TCHP: variants seen among roughly 807,000 people sequenced by gnomAD.
TCHP encodes trichoplein keratin filament binding, also known as trichoplein keratin filament-binding protein.
TCHP carries 81 observed loss-of-function variants against 88.7 expected under a neutral mutation model. That is an observed-to-expected ratio of 0.91 (90% CI 0.76 to 1.10). The LOEUF (loss-of-function observed/expected upper bound fraction) is 1.10. Among genes scored for constraint, TCHP ranks in the 50% least tolerant of loss-of-function variants. The pLI, the probability that TCHP is intolerant of heterozygous loss-of-function variation, is 0.00. For missense variants in TCHP, 641 were observed against 632.1 expected (o/e 1.01, Z -0.15); for synonymous variants, 232 against 232.5 (o/e 1.00, Z 0.02).
intron 8 of TCHP, among the ~76,000 whole-genome samples, chr12:109,909,607 G>A (rs1870368777): frequency 1.3e-5 from 2 of 152,218 alleles, no homozygotes; most frequent in Admixed American, 1.3e-4. Context: ...ATCACCTGAG[G>A]TCAGGAGTTT....
chr12:109,910,929 C>T (rs939723216), intron 8 of TCHP, 134 bp from the exon 9 acceptor site: 1 of 1,308,444 alleles, frequency 7.6e-7, no homozygotes, highest in African/African-American at 1.5e-5. Context: ...ATCTTCCCAT[C>T]TCTGTCTTGA....
intron 1 of TCHP, among the ~76,000 whole-genome samples, chr12:109,902,074 G>A (rs1009288977): frequency 6.6e-6 from 1 of 152,206 alleles, no homozygotes; most frequent in Non-Finnish European, 1.5e-5. Flanking sequence ...AAATGCCCCC[G>A]ATGTGCCTAG....
the TCHP span, among the ~76,000 whole-genome samples, chr12:109,885,233 G>A: frequency 6.6e-6 from 1 of 152,214 alleles, no homozygotes. Flanking sequence ...GCCTCCCAGA[G>A]TGCTGGGATT....
chr12:109,893,134 C>A, the TCHP span, among the ~76,000 whole-genome samples: 1 of 152,106 alleles, frequency 6.6e-6, no homozygotes, highest in Non-Finnish European at 1.5e-5. Flanking sequence ...AATCCCAGCA[C>A]TTTGGAAGGC....
chr12:109,887,972 C>G, the TCHP span: 1 of 152,210 alleles, frequency 6.6e-6, no homozygotes, highest in Non-Finnish European at 1.5e-5. Context: ...CAGGGTCTCA[C>G]TATGTTGCCT....
chr12:109,887,409 C>CAAAAAAA, the TCHP span, among the ~76,000 whole-genome samples: 2 of 80,142 alleles, frequency 2.5e-5, no homozygotes, highest in East Asian at 4.1e-4. Context: ...GGCTCTGTCT[C>CAAAAAAA]AAAAAAAAAA....
At chr12:109,906,375 C>G (rs1175959193) in intron 4 of TCHP, among the ~76,000 whole-genome samples, 197 bp from the exon 5 acceptor site, 2 of 152,134 alleles carry the variant, frequency 1.3e-5, no homozygotes, top group African/African-American at 2.4e-5. Context: ...GTCCTTTGGT[C>G]TTCTGATTGA....
At chr12:109,901,316 C>T (rs1262547757) in intron 1 of TCHP, among the ~76,000 whole-genome samples, 1 of 152,142 alleles carries the variant, frequency 6.6e-6, no homozygotes, top group Admixed American at 6.6e-5. Context: ...AATGCCTTAC[C>T]TTGTTTTTAC....
At chr12:109,886,450 T>G in the TCHP span, among the ~76,000 whole-genome samples, 1 of 152,118 alleles carries the variant, frequency 6.6e-6, no homozygotes, top group Admixed American at 6.5e-5. Context: ...TTATTATTTA[T>G]TTAGTGGCTC....
Position 109,917,196 on chromosome 12 carries a change from T to C in TCHP, c.*573T>C, listed in dbSNP as rs1273298009. ...GAACCCCGGAACACTCTGACGTCCA[T>C]GGACGCATTCCAGAAAAGTGGCAAG... On this transcript the variant is annotated 3_prime_UTR_variant, in exon 13 of 13. Transcript: ENST00000405876. 1 of 152,246 alleles carries C rather than the reference T, an allele frequency of 6.6e-6. No individual in the cohort carries two copies. Among genetic ancestry groups the C allele is most frequent in the Non-Finnish European group, 1.5e-5 (1 of 68,062 alleles). 9.4% of individuals were successfully genotyped at this position (152,246 alleles called of 1,614,324 possible). A position where few individuals can be genotyped will look rare whatever the true frequency, so the allele number is the denominator to read the frequency against.
At chr12:109,902,877 G>T in intron 1 of TCHP, 150 bp from the exon 2 acceptor site, 1 of 555,376 alleles carries the variant, frequency 1.8e-6, no homozygotes, top group East Asian at 3.1e-5. Context: ...GCTCAGACAC[G>T]GTTTTGTTTG....
chr12:109,914,828 G>A, intron 11 of TCHP: 1 of 545,566 alleles, frequency 1.8e-6, no homozygotes, highest in South Asian at 2.1e-5. Context: ...TCGTGTGGGT[G>A]AGGCCGGTAC....
chr12:109,904,264 A>G, intron 3 of TCHP, 117 bp downstream of exon 3: 3 of 891,320 alleles, frequency 3.4e-6, no homozygotes, highest in Non-Finnish European at 5.2e-6. Flanking sequence ...AGTTAACTCC[A>G]GAGCCAGCAG....
At chr12:109,915,345 G>T in intron 11 of TCHP, 58 bp from the exon 12 acceptor site, 1 of 1,611,966 alleles carries the variant, frequency 6.2e-7, no homozygotes, top group African/African-American at 1.3e-5. Flanking sequence ...CTCATCAGAG[G>T]CAGGGCTCTG....
chr12:109,906,242 A>C (rs1299192185), intron 4 of TCHP, among the ~76,000 whole-genome samples: 2 of 152,212 alleles, frequency 1.3e-5, no homozygotes, highest in Non-Finnish European at 2.9e-5. Flanking sequence ...CATGCAGTAC[A>C]TCAACCCAAG....
rs1364966186 is a variant in TCHP at position 109,903,266 on chromosome 12, C to A, written c.188+52C>A. The A allele has an allele frequency of 4.5e-6, 7 of 1,546,722 alleles. No homozygotes were observed. Among genetic ancestry groups the A allele is most frequent in the Non-Finnish European group, 6.2e-6 (7 of 1,130,282 alleles). On this transcript the variant is annotated intron_variant, in intron 2 of 12. Coordinates refer to ENST00000405876, the MANE Select transcript of TCHP (RefSeq NM_001143852.2). This position sits in a 1 kb window ranked among gnomAD's most constrained non-coding sequence, Gnocchi z 4.6. ...ATGGAAGTGGGGACCACTTGCTGGT[C>A]AGGGGATGAGGCCTTAAGGATTTAG...
the TCHP span, among the ~76,000 whole-genome samples, chr12:109,886,350 C>A: frequency 6.6e-6 from 1 of 152,094 alleles, no homozygotes; most frequent in African/African-American, 2.4e-5. Flanking sequence ...GTTGGCCAGG[C>A]TGGTCTCGAA....
chr12:109,905,425 T>A lies in TCHP; in HGVS notation c.456+632T>A, dbSNP rs1000555883. On this transcript the variant is annotated intron_variant, in intron 4 of 12. Coordinates refer to ENST00000405876, the MANE Select transcript of TCHP (RefSeq NM_001143852.2). This position sits in a 1 kb window ranked among gnomAD's most constrained non-coding sequence, Gnocchi z 4.0. The stretch of plus-strand genomic sequence containing the variant: ...TCCTCCAAAGGGGCTGGGGGCAGCA[T>A]ACAGGATCCCAGCTGCATTTCAGAG... 6.6e-6 allele frequency among the ~76,000 whole-genome samples: 1 copy of A among 152,044 alleles called. No homozygotes were observed. Among genetic ancestry groups the A allele is most frequent in the Non-Finnish European group, 1.5e-5 (1 of 68,008 alleles).
At chr12:109,891,610 A>C in the TCHP span, among the ~76,000 whole-genome samples, 1 of 151,592 alleles carries the variant, frequency 6.6e-6, no homozygotes, top group African/African-American at 2.4e-5. Flanking sequence ...CATGTTGGCC[A>C]GGATGGTCTT....
Sources: gnomAD v4.1 joint callset for allele counts (sites outside exome capture counted in the v4.1 genomes callset) on GRCh38, gnomAD v4.1.1 for gene constraint, Gnocchi (gnomAD v3.1) non-coding constraint, MANE v1.5 for transcripts, NCBI Gene and HGNC (gene_info 2026-07-23, HGNC 2026-07-21) for gene names.